Variants in NAP1L4 observed in about 807,000 individuals in gnomAD.
The protein encoded by NAP1L4 is nucleosome assembly protein 1 like 4, also known as nucleosome assembly protein 1-like 4.
A neutral mutation model predicts 58.2 loss-of-function variants in NAP1L4; 15 were observed. The observed-to-expected ratio is 0.26, with a 90% CI of 0.17 to 0.40. The LOEUF (loss-of-function observed/expected upper bound fraction) is 0.40. Among genes scored for constraint, NAP1L4 ranks in the 10% least tolerant of loss-of-function variants. The pLI, the probability that NAP1L4 is intolerant of heterozygous loss-of-function variation, is 1.00. For missense variants in NAP1L4, 384 were observed against 451.1 expected, an observed-to-expected ratio of 0.85 and a Z score of 1.35; for synonymous variants, 171 against 155.6, an observed-to-expected ratio of 1.10 and a Z score of -0.74.
In NAP1L4 at chr11:2,948,303, T is replaced by C. The variant is rs1235783609; in HGVS notation, c.*32+924A>G. The stretch of plus-strand genomic sequence containing the variant: ...CGGTGGCGCTAAGACCTCAAGGACG[T>C]CTGGTCTATGGGCTGCCAGGATCAT... On this transcript the variant is annotated intron_variant, in intron 15 of 15. Coordinates refer to ENST00000380542, the MANE Select transcript of NAP1L4 (RefSeq NM_005969.4). This position sits in a 1 kb window ranked among gnomAD's most constrained non-coding sequence, Gnocchi z 5.1. Among the ~76,000 whole-genome samples the C allele has an allele frequency of 6.6e-6, 1 of 152,164 alleles. No individual in the cohort carries two copies. The highest frequency in any genetic ancestry group is 2.4e-5 in the African/African-American group (1 of 41,434).
chr11:2,974,899 GCACCTGCAATTC>G (rs2133983122), intron 4 of NAP1L4, among the ~76,000 whole-genome samples: 1 of 152,306 alleles, frequency 6.6e-6, no homozygotes, highest in African/African-American at 2.4e-5. Flanking sequence ...GTGGTGGCGT[GCACCTGCAATTC>G]CAGCTACTCA....
chr11:2,957,322 T>C (rs1325251201), intron 10 of NAP1L4, among the ~76,000 whole-genome samples: 3 of 152,188 alleles, frequency 2.0e-5, no homozygotes, highest in African/African-American at 7.2e-5. Flanking sequence ...CCCCAAACCG[T>C]ATGTATTTGC....
chr11:2,964,179 C>T (rs988823344), intron 8 of NAP1L4, among the ~76,000 whole-genome samples: 1 of 152,100 alleles, frequency 6.6e-6, no homozygotes, highest in African/African-American at 2.4e-5. Flanking sequence ...AAGTGCTGAT[C>T]ATTATGTGTA....
chr11:2,958,974 A>T, intron 9 of NAP1L4: 1 of 197,602 alleles, frequency 5.1e-6, no homozygotes, highest in East Asian at 1.3e-4. Context: ...ACTGATGGCC[A>T]GTGCAGACCA....
At chr11:2,988,031 G>C (rs1357248263) in intron 1 of NAP1L4, 2 of 152,188 alleles carry the variant, frequency 1.3e-5, no homozygotes, top group Non-Finnish European at 2.9e-5. Flanking sequence ...GAGAAACACT[G>C]CCTTAGTCAT....
At chr11:2,984,895 T>C (rs1406260145) in intron 1 of NAP1L4, among the ~76,000 whole-genome samples, 1 of 152,150 alleles carries the variant, frequency 6.6e-6, no homozygotes, top group Non-Finnish European at 1.5e-5. Flanking sequence ...CTTTAAACAC[T>C]GCACCCTTTA....
rs376081626 is a variant in NAP1L4, at chr11:2,945,580, C to A, written c.*99G>T. On this transcript the variant is annotated 3_prime_UTR_variant, in exon 16 of 16. Transcript: ENST00000380542. ...CCCACAGGCCTGGAGTCCCGACAGC[C>A]GGTCTGCCAGGCACCCGCCTCCGCT... 11 of 1,535,064 alleles carry A rather than the reference C, an allele frequency of 7.2e-6. No individual in the cohort carries two copies. The East Asian group carries it at 1.2e-4, about 17-fold the overall frequency.
At chr11:2,950,235 T>G (rs1564972061) in intron 14 of NAP1L4, among the ~76,000 whole-genome samples, 1 of 152,206 alleles carries the variant, frequency 6.6e-6, no homozygotes, top group Non-Finnish European at 1.5e-5. Flanking sequence ...AGGCCAAACT[T>G]TAGAAGATGA....
At chr11:2,950,265 A>G (rs1846154044) in intron 14 of NAP1L4, among the ~76,000 whole-genome samples, 1 of 152,252 alleles carries the variant, frequency 6.6e-6, no homozygotes, top group African/African-American at 2.4e-5. Context: ...TGAGCAGATT[A>G]TTCCCAGAGT....
At position 2,949,488 on chromosome 11, in the gene NAP1L4, C is replaced by T. The variant is rs994092256; in HGVS notation, c.1123-224G>A. Among the ~76,000 whole-genome samples the T allele has an allele frequency of 6.6e-6, 1 of 152,172 alleles. No individual in the cohort carries two copies. Among genetic ancestry groups the T allele is most frequent in the African/African-American group, 2.4e-5 (1 of 41,438 alleles). ...CCAATACTAAAACCTCCCTTCCTTC[C>T]TTGTTTTCTTTTGCTTGCACAGACT... On this transcript the variant is annotated intron_variant, in intron 14 of 15. Transcript: ENST00000380542. This position sits in a 1 kb window ranked among gnomAD's most constrained non-coding sequence, Gnocchi z 4.0.
intron 7 of NAP1L4, among the ~76,000 whole-genome samples, chr11:2,966,586 A>G (rs945075817): frequency 6.6e-6 from 1 of 152,226 alleles, no homozygotes; most frequent in African/African-American, 2.4e-5. Context: ...CTTCTGACAT[A>G]AAACAAAACA....
intron 12 of NAP1L4, chr11:2,952,038 G>T: frequency 1.6e-6 from 1 of 606,354 alleles, no homozygotes; most frequent in East Asian, 2.8e-5. Flanking sequence ...AGGATAGGAA[G>T]CTGGTCAGCC....
Position 2,945,605 on chromosome 11 carries a change from T to G in NAP1L4, c.*74A>C. On this transcript the variant is annotated 3_prime_UTR_variant, in exon 16 of 16. Coordinates refer to ENST00000380542, the MANE Select transcript of NAP1L4 (RefSeq NM_005969.4). ...CGGTCTGCCAGGCACCCGCCTCCGC[T>G]TCCTACTGCTGCTTGCATTCCGCCG... 1 of 1,536,036 alleles carries G rather than the reference T, an allele frequency of 6.5e-7. No individual in the cohort carries two copies. The highest frequency in any genetic ancestry group is 2.4e-5 in the East Asian group (1 of 40,908).
intron 3 of NAP1L4, among the ~76,000 whole-genome samples, chr11:2,977,347 C>T (rs1848026247): frequency 6.6e-6 from 1 of 152,158 alleles, no homozygotes; most frequent in South Asian, 2.1e-4. Flanking sequence ...GAGCCAACAC[C>T]CTGTGCCTCC....
intron 7 of NAP1L4, among the ~76,000 whole-genome samples, chr11:2,968,080 G>T (rs1847392393): frequency 6.6e-6 from 1 of 152,158 alleles, no homozygotes; most frequent in Middle Eastern, 3.4e-3. Context: ...ATCACCCCAG[G>T]GCCCATGAGC....
intron 1 of NAP1L4, among the ~76,000 whole-genome samples, chr11:2,983,454 T>C (rs189105783): frequency 6.6e-6 from 1 of 152,094 alleles, no homozygotes; most frequent in Non-Finnish European, 1.5e-5. Flanking sequence ...TAGCCTCAAG[T>C]GATCCTCCCA....
intron 4 of NAP1L4, among the ~76,000 whole-genome samples, chr11:2,975,456 GGCACGGTA>G (rs891680161): frequency 1.3e-5 from 2 of 152,092 alleles, no homozygotes; most frequent in African/African-American, 4.8e-5. Flanking sequence ...GTGTCAGCCA[GGCACGGTA>G]GCTCACCCGT....
At chr11:2,974,716 C>T (rs1228670932) in intron 4 of NAP1L4, among the ~76,000 whole-genome samples, 2 of 152,014 alleles carry the variant, frequency 1.3e-5, no homozygotes, top group Admixed American at 6.6e-5. Context: ...GCCAACATGG[C>T]AAATCCCTGT....
At position 2,948,040 on chromosome 11, in the gene NAP1L4, G is replaced by A. The variant is rs780861450; in HGVS notation, c.*32+1187C>T. On this transcript the variant is annotated intron_variant, in intron 15 of 15. Coordinates refer to ENST00000380542, the MANE Select transcript of NAP1L4 (RefSeq NM_005969.4). The surrounding 1 kb of genome is among the most constrained non-coding windows in gnomAD (Gnocchi z 5.1). ...CGCATCGAGGATTCTCTTCAAAAGA[G>A]CTGGTGGCATGGGAGGGGTGGCGTG... Among the ~76,000 whole-genome samples, 23 of 122,792 alleles carry A rather than the reference G, an allele frequency of 1.9e-4. No individual in the cohort carries two copies. The highest frequency in any genetic ancestry group is 2.7e-4 in the Admixed American group (3 of 10,992). The allele number at this position is 122,792 out of a possible 152,430, so 80.6% of individuals were successfully genotyped here.
Sources: allele counts gnomAD v4.1 joint callset (sites outside exome capture counted in the v4.1 genomes callset), GRCh38; gene constraint gnomAD v4.1.1; non-coding constraint Gnocchi (gnomAD v3.1); transcripts MANE v1.5; gene names NCBI Gene and HGNC (gene_info 2026-07-23, HGNC 2026-07-21).